CENPI: variants seen among roughly 807,000 people sequenced by gnomAD.
CENPI encodes FSH primary response 1.
CENPI carries 4 observed loss-of-function variants against 60.4 expected under a neutral mutation model. The ratio of observed to expected loss-of-function variants is 0.07; its 90% CI spans 0.03 to 0.15. The LOEUF is 0.15. Ranked by LOEUF, CENPI falls within the 10% of genes least tolerant of loss-of-function variation. The pLI is 1.00. For missense variants in CENPI, 444 were observed against 534.5 expected (o/e 0.83, Z 1.67); for synonymous variants, 157 against 189.4 (o/e 0.83, Z 1.40).
intron 16 of CENPI, among the ~76,000 whole-genome samples, chrX:101,143,262 C>T (rs1342903158): frequency 1.8e-5 from 2 of 109,764 alleles, no homozygotes; most frequent in African/African-American, 6.6e-5. Flanking sequence ...TATGCGTAAC[C>T]ATTGTTGACT....
the CENPI span, among the ~76,000 whole-genome samples, chrX:101,176,294 A>G: frequency 9.0e-6 from 1 of 111,066 alleles, no homozygotes; most frequent in Non-Finnish European, 1.9e-5. Context: ...CTTTGGATAA[A>G]TACAGAGTAG....
At chrX:101,116,625 G>T (rs1318388823) in intron 6 of CENPI, among the ~76,000 whole-genome samples, 1 of 111,619 alleles carries the variant, frequency 9.0e-6, no homozygotes, top group African/African-American at 3.3e-5. Flanking sequence ...TATTGTGAAT[G>T]GTGCTGTGTT....
intron 4 of CENPI, among the ~76,000 whole-genome samples, chrX:101,107,835 ATTTT>A (rs35105469): frequency 1.1e-5 from 1 of 87,195 alleles, no homozygotes; most frequent in Non-Finnish European, 2.2e-5. Context: ...CACTTGGCTA[ATTTT>A]TTTTTTTTTT....
the CENPI span, among the ~76,000 whole-genome samples, chrX:101,174,315 G>T: frequency 1.8e-5 from 2 of 111,651 alleles, no homozygotes; most frequent in Non-Finnish European, 3.8e-5. Flanking sequence ...TCCCATGACT[G>T]GGTAAATATC....
At chrX:101,174,843 C>T in the CENPI span, among the ~76,000 whole-genome samples, 125 of 111,793 alleles carry the variant, frequency 1.1e-3, no homozygotes, top group African/African-American at 3.8e-3. Context: ...CCCGGTGGCT[C>T]ACACCTGTAA....
In CENPI at chrX:101,149,308, A is replaced by G. The variant is rs763133893; in HGVS notation, c.2094+1147A>G. 2.7e-5 allele frequency among the ~76,000 whole-genome samples: 3 copies of G among 111,596 alleles called. No homozygotes were observed. In the South Asian group the frequency reaches 1.1e-3, roughly 42 times the overall value. On this transcript the variant is annotated intron_variant, in intron 20 of 21. Transcript: ENST00000682095. Reference sequence around the variant, plus strand: ...GCATGAAAGCAGCTGTAGACAAAGCATAAACAGATGGCTATAGTTGTATTC... The same window carrying G: ...GCATGAAAGCAGCTGTAGACAAAGCGTAAACAGATGGCTATAGTTGTATTC...
chrX:101,159,489 G>A (rs2090086770), intron 20 of CENPI, among the ~76,000 whole-genome samples: 1 of 102,725 alleles, frequency 9.7e-6, no homozygotes, highest in Non-Finnish European at 2.0e-5. Flanking sequence ...ACGGAGTTTT[G>A]CTCTTGTTGC....
At chrX:101,122,941 G>T (rs1230460079) in intron 8 of CENPI, among the ~76,000 whole-genome samples, 1 of 112,669 alleles carries the variant, frequency 8.9e-6, no homozygotes, top group Non-Finnish European at 1.9e-5. Flanking sequence ...CACAGTGTAT[G>T]TTCAAGTAAA....
chrX:101,101,014 C>T (rs1361402149), intron 2 of CENPI, 44 bp from the exon 3 acceptor site: 2 of 936,054 alleles, frequency 2.1e-6, no homozygotes, highest in African/African-American at 3.9e-5. Context: ...GAAAAAAGGA[C>T]TGTTTGGCTG....
At chrX:101,157,217 T>C (rs773951760) in intron 20 of CENPI, among the ~76,000 whole-genome samples, 12 of 112,067 alleles carry the variant, frequency 1.1e-4, no homozygotes, top group Non-Finnish European at 1.7e-4. Context: ...TGAAGACTTA[T>C]GACTCACCAG....
rs2089666044 is a variant in CENPI, at chrX:101,120,522, A to G, written c.640+72A>G. On this transcript the variant is annotated intron_variant, in intron 7 of 21. Coordinates refer to ENST00000682095, the MANE Select transcript of CENPI (RefSeq NM_001386188.2). ...TTGTATTGGCCTTTATAAAGTTAAA[A>G]TAACTATTAGCATTAGTTATATGAC... 5 of 641,911 alleles carry G rather than the reference A, an allele frequency of 7.8e-6. No individual in the cohort carries two copies. The Admixed American group carries it at 1.5e-4, about 19-fold the overall frequency. 52.9% of individuals were successfully genotyped at this position (641,911 alleles called of 1,213,427 possible).
chrX:101,099,276 C>T (rs887491998), intron 2 of CENPI, among the ~76,000 whole-genome samples: 1 of 109,429 alleles, frequency 9.1e-6, no homozygotes, highest in Non-Finnish European at 1.9e-5. Flanking sequence ...TAAAATACAA[C>T]AAATAGCCGG....
intron 6 of CENPI, among the ~76,000 whole-genome samples, chrX:101,117,786 T>C (rs984483776): frequency 2.7e-5 from 3 of 111,981 alleles, no homozygotes; most frequent in Non-Finnish European, 5.6e-5. Flanking sequence ...AAGTTCAAAG[T>C]TTCTAAGGTT....
rs761740159 is a variant in CENPI at position 101,155,777 on chromosome X, T to C, written c.2095-5751T>C. Among the ~76,000 whole-genome samples the C allele has an allele frequency of 1.9e-4, 21 of 111,823 alleles. No individual in the cohort carries two copies. In the East Asian group the frequency reaches 5.1e-3, roughly 27 times the overall value. ...CCAAAAACTCTTTTTACAAGTCTTA[T>C]AGATTCTTGGAAACAAACAGATTTG... On this transcript the variant is annotated intron_variant, in intron 20 of 21. Transcript: ENST00000682095.
downstream of CENPI, among the ~76,000 whole-genome samples, chrX:101,168,134 G>A (rs966993092): frequency 2.7e-5 from 3 of 112,861 alleles, no homozygotes; most frequent in Admixed American, 1.9e-4. Context: ...GTACACATAC[G>A]TAAATCTGCA....
At position 101,146,268 on chromosome X, in the gene CENPI, T is replaced by C. The variant is rs149212842; in HGVS notation, c.1817T>C (p.Ile606Thr). Reference sequence around the variant, plus strand: ...AGCATCCTGAACCAGCTGTGTTTTATTATGCACAGGTACAAAGCCTTTTTA... The same window carrying C: ...AGCATCCTGAACCAGCTGTGTTTTACTATGCACAGGTACAAAGCCTTTTTA... ...DTSILNQLCFIMHRYRKNLTA... is the reference protein window; with the variant it reads ...DTSILNQLCFTMHRYRKNLTA... Residue 606 changes from isoleucine (I) to threonine (T), a missense_variant, in exon 18 of 22, where the codon ATT (isoleucine) becomes ACT (threonine). Physicochemically the swap from Ile to Thr is moderately conservative, Grantham distance 89. Coordinates refer to ENST00000682095, the MANE Select transcript of CENPI (RefSeq NM_001386188.2). 8.3e-7 allele frequency: 1 copy of C among 1,204,578 alleles called. No individual in the cohort carries two copies. The highest frequency in any genetic ancestry group is 1.1e-6 in the Non-Finnish European group (1 of 892,566).
At chrX:101,138,738 G>A (rs2089877465) in intron 15 of CENPI, among the ~76,000 whole-genome samples, 1 of 109,112 alleles carries the variant, frequency 9.2e-6, no homozygotes, top group Middle Eastern at 4.7e-3. Flanking sequence ...TGATCCTCCC[G>A]GCTCAGCCTC....
At chrX:101,140,888 G>A in intron 16 of CENPI, 128 bp downstream of exon 16, 1 of 456,150 alleles carries the variant, frequency 2.2e-6, no homozygotes, top group Non-Finnish European at 3.8e-6. Context: ...AGACTTTTTT[G>A]TGACTTTTCA....
intron 20 of CENPI, among the ~76,000 whole-genome samples, chrX:101,152,232 T>G (rs1158794038): frequency 9.2e-6 from 1 of 108,405 alleles, no homozygotes; most frequent in East Asian, 3.0e-4. Context: ...CTGGCTAATT[T>G]TTTTGTATTT....
Sources: gnomAD v4.1 joint callset for allele counts (sites outside exome capture counted in the v4.1 genomes callset) on GRCh38, gnomAD v4.1.1 for gene constraint, MANE v1.5 for transcripts, NCBI Gene and HGNC (gene_info 2026-07-23, HGNC 2026-07-21) for gene names.